The following SLCO3A1 variants were observed in gnomAD, a reference collection of about 807,000 sequenced individuals.
SLCO3A1 encodes solute carrier organic anion transporter family member 3A1.
A neutral mutation model predicts 63.1 loss-of-function variants in SLCO3A1; 27 were observed. That is an observed-to-expected ratio of 0.43 (90% CI 0.32 to 0.59). The LOEUF is 0.59. Ranked by LOEUF, SLCO3A1 falls within the 20% of genes least tolerant of loss-of-function variation. The probability of loss-of-function intolerance (pLI) is 0.09; values close to 1 mark genes in which losing one functional copy is unlikely to be tolerated. For missense variants in SLCO3A1, 773 were observed against 945.8 expected (o/e 0.82, Z 2.40); for synonymous variants, 473 against 409.9 (o/e 1.15, Z -1.86).
chr15:91,924,744 A>G (rs1202183427), intron 2 of SLCO3A1, among the ~76,000 whole-genome samples: 1 of 152,204 alleles, frequency 6.6e-6, no homozygotes, highest in Non-Finnish European at 1.5e-5. Flanking sequence ...ACTGCCTCAC[A>G]ATGATGGGGA....
intron 4 of SLCO3A1, among the ~76,000 whole-genome samples, chr15:92,104,744 A>T (rs1489906591): frequency 6.6e-6 from 1 of 152,156 alleles, no homozygotes; most frequent in Non-Finnish European, 1.5e-5. Flanking sequence ...TAATAAAAAC[A>T]AAAATAAAGT....
At chr15:92,071,341 C>T (rs1268475159) in intron 2 of SLCO3A1, among the ~76,000 whole-genome samples, 1 of 152,212 alleles carries the variant, frequency 6.6e-6, no homozygotes, top group Non-Finnish European at 1.5e-5. Context: ...CACACCAGCA[C>T]ACCATCCTCG....
intron 2 of SLCO3A1, among the ~76,000 whole-genome samples, chr15:92,000,410 A>T (rs1216562001): frequency 6.6e-6 from 1 of 151,986 alleles, no homozygotes. Flanking sequence ...TTTTAAAAAA[A>T]AAAAAAGAAT....
At chr15:92,000,152 G>T (rs377409507) in intron 2 of SLCO3A1, among the ~76,000 whole-genome samples, 6 of 152,032 alleles carry the variant, frequency 3.9e-5, no homozygotes, top group African/African-American at 1.4e-4. Context: ...AATTATCTTT[G>T]GACATATATA....
At chr15:92,168,264 A>G (rs557321125), downstream of SLCO3A1, among the ~76,000 whole-genome samples, 29 of 152,344 alleles carry the variant, frequency 1.9e-4, no homozygotes, top group Non-Finnish European at 3.5e-4. Flanking sequence ...ACTAAGAACT[A>G]AAGAGCAGTG....
intron 2 of SLCO3A1, among the ~76,000 whole-genome samples, chr15:92,074,706 A>G (rs1306001905): frequency 1.3e-5 from 2 of 152,104 alleles, no homozygotes; most frequent in Admixed American, 6.5e-5. Flanking sequence ...ATCTTCCAGG[A>G]CAGAGACGCA....
In SLCO3A1 at chr15:91,854,853, G is replaced by C. The variant is rs147967299; in HGVS notation, c.180+765G>C. ...GTATTTTATTTGCCTCCAGAAAGGGGATGTTAATGCTCAGAGGGCCCATGG... is the reference window on the plus strand; with the variant it reads ...GTATTTTATTTGCCTCCAGAAAGGGCATGTTAATGCTCAGAGGGCCCATGG... On this transcript the variant is annotated intron_variant, in intron 1 of 9. Transcript: ENST00000318445. The surrounding 1 kb of genome is among the most constrained non-coding windows in gnomAD (Gnocchi z 6.4). 1.3e-5 allele frequency among the ~76,000 whole-genome samples: 2 copies of C among 152,160 alleles called. No individual in the cohort carries two copies. Among genetic ancestry groups the C allele is most frequent in the Admixed American group, 6.5e-5 (1 of 15,278 alleles).
chr15:92,069,096 G>GC (rs56003783), intron 2 of SLCO3A1, among the ~76,000 whole-genome samples: 188 of 115,796 alleles, frequency 1.6e-3, no homozygotes, highest in African/African-American at 2.3e-3. Context: ...GGCTCCCCCC[G>GC]CCCCCCCCCC....
At chr15:91,909,737 G>A (rs758606175) in intron 1 of SLCO3A1, among the ~76,000 whole-genome samples, 16 of 152,156 alleles carry the variant, frequency 1.1e-4, no homozygotes, top group Non-Finnish European at 2.4e-4. Context: ...CTTCACAAGC[G>A]CTCCAGACTG....
At chr15:91,906,044 A>G (rs574413330) in intron 1 of SLCO3A1, among the ~76,000 whole-genome samples, 28 of 152,284 alleles carry the variant, frequency 1.8e-4, no homozygotes, top group Admixed American at 5.9e-4. Context: ...CGTGGCATCA[A>G]TGGGATAGTT....
At chr15:92,007,806 T>C (rs903915762) in intron 2 of SLCO3A1, among the ~76,000 whole-genome samples, 2 of 152,282 alleles carry the variant, frequency 1.3e-5, no homozygotes, top group Admixed American at 6.5e-5. Context: ...TTAGGGTATT[T>C]TGGGATTACC....
At chr15:92,036,053 A>G (rs1205416682) in intron 2 of SLCO3A1, among the ~76,000 whole-genome samples, 1 of 152,170 alleles carries the variant, frequency 6.6e-6, no homozygotes, top group African/African-American at 2.4e-5. Context: ...CAGGGCTTGG[A>G]CCAGCACCAC....
At chr15:92,077,676 C>A (rs1030943229) in intron 2 of SLCO3A1, among the ~76,000 whole-genome samples, 4 of 152,208 alleles carry the variant, frequency 2.6e-5, no homozygotes, top group Admixed American at 2.6e-4. Context: ...CAAGTAGAGG[C>A]CCCATGCCAC....
At chr15:91,874,386 A>G (rs558228781) in intron 1 of SLCO3A1, among the ~76,000 whole-genome samples, 1 of 152,106 alleles carries the variant, frequency 6.6e-6, no homozygotes, top group African/African-American at 2.4e-5. Context: ...CCAGAGGGAA[A>G]CTCCATACCC....
chr15:92,115,718 AC>A (rs1371882635), intron 4 of SLCO3A1, among the ~76,000 whole-genome samples: 1 of 144,752 alleles, frequency 6.9e-6, no homozygotes, highest in Non-Finnish European at 1.5e-5. Flanking sequence ...ATTCAGCAAA[AC>A]CTTTTCTACA....
intron 1 of SLCO3A1, among the ~76,000 whole-genome samples, chr15:91,902,731 A>G (rs1898191796): frequency 2.0e-5 from 3 of 152,094 alleles, no homozygotes; most frequent in Admixed American, 6.6e-5. Context: ...TCACACTGCC[A>G]TTCTAGCCCC....
intron 4 of SLCO3A1, 55 bp from the exon 5 acceptor site, chr15:92,120,410 T>C: frequency 3.8e-6 from 6 of 1,566,040 alleles, no homozygotes; most frequent in South Asian, 2.3e-5. Flanking sequence ...AGCTATAAGA[T>C]GGGAGCACAG....
rs533817085 is a variant in SLCO3A1 at position 91,886,716 on chromosome 15, C to T, written c.181-29277C>T. Among the ~76,000 whole-genome samples, 30 of 152,308 alleles carry T rather than the reference C, an allele frequency of 2.0e-4. No homozygotes were observed. Among genetic ancestry groups the T allele is most frequent in the Admixed American group, 1.8e-3 (27 of 15,300 alleles). On this transcript the variant is annotated intron_variant, in intron 1 of 9. Transcript: ENST00000318445. The surrounding 1 kb of genome is among the most constrained non-coding windows in gnomAD (Gnocchi z 4.9). ...CACTGACTACATCAATCTGAATAAT[C>T]GAGCTCAACTCCAGACAATAATTCA...
chr15:91,937,961 T>C (rs894995660), intron 2 of SLCO3A1, among the ~76,000 whole-genome samples: 9 of 152,190 alleles, frequency 5.9e-5, no homozygotes, highest in African/African-American at 2.2e-4. Context: ...ACCTACCTTA[T>C]CGGGCTGTTC....
Sources: allele counts gnomAD v4.1 joint callset (sites outside exome capture counted in the v4.1 genomes callset), GRCh38; gene constraint gnomAD v4.1.1; non-coding constraint Gnocchi (gnomAD v3.1); transcripts MANE v1.5; gene names NCBI Gene and HGNC (gene_info 2026-07-23, HGNC 2026-07-21).